The following FNIP2 variants were observed in gnomAD, a reference collection of about 807,000 sequenced individuals.
The protein encoded by FNIP2 is folliculin-interacting protein 2.
A neutral mutation model predicts 108.7 loss-of-function variants in FNIP2; 32 were observed. The observed-to-expected ratio is 0.29, with a 90% confidence interval of 0.22 to 0.40. The LOEUF (loss-of-function observed/expected upper bound fraction) is 0.40, where lower values mean the gene tolerates loss of function less well. Among genes scored for constraint, FNIP2 ranks in the 10% least tolerant of loss-of-function variants. FNIP2 has a pLI of 1.00. For synonymous variants in FNIP2, 480 were observed against 496.7 expected (o/e 0.97, Z 0.45); for missense variants, 1,202 against 1,381.6 (o/e 0.87, Z 2.06).
At chr4:158,801,939 C>G (rs559116612) in intron 1 of FNIP2, among the ~76,000 whole-genome samples, 4 of 152,330 alleles carry the variant, frequency 2.6e-5, no homozygotes, top group African/African-American at 9.6e-5. Flanking sequence ...GATCCTGGAT[C>G]TGTCTCCAAA....
At chr4:158,784,181 A>G (rs982420443) in intron 1 of FNIP2, among the ~76,000 whole-genome samples, 3 of 152,236 alleles carry the variant, frequency 2.0e-5, no homozygotes, top group African/African-American at 7.2e-5. Context: ...ATATTAAGCC[A>G]ATATTTGCCA....
rs566313517 is a variant in FNIP2, at chr4:158,884,507, C to T, written c.2950-6939C>T. ...CAGTGCAGTGCATGTGGGAAGGTTT[C>T]CAGGGCGAGGGATGGACTCACGCCA... On this transcript the variant is annotated intron_variant, in intron 14 of 16. Transcript: ENST00000264433. 2.0e-5 allele frequency among the ~76,000 whole-genome samples: 3 copies of T among 152,228 alleles called. No homozygotes were observed. The East Asian group carries it at 5.8e-4, about 29-fold the overall frequency.
At chr4:158,776,603 A>G (rs1192862368) in intron 1 of FNIP2, among the ~76,000 whole-genome samples, 2 of 152,236 alleles carry the variant, frequency 1.3e-5, no homozygotes, top group African/African-American at 2.4e-5. Context: ...TTACAAAAAT[A>G]CCTTTTAAAT....
intron 11 of FNIP2, 27 bp downstream of exon 11, chr4:158,861,515 T>A (rs1780295641): frequency 6.2e-7 from 1 of 1,613,768 alleles, no homozygotes; most frequent in Non-Finnish European, 8.5e-7. Flanking sequence ...TGGAGACTTG[T>A]ATGCAAATCT....
At chr4:158,831,773 A>G in intron 3 of FNIP2, 88 bp from the exon 4 acceptor site, 1 of 817,648 alleles carries the variant, frequency 1.2e-6, no homozygotes, top group Non-Finnish European at 2.0e-6. Flanking sequence ...ATCACCGATG[A>G]CACTAACGAG....
intron 1 of FNIP2, among the ~76,000 whole-genome samples, chr4:158,773,296 A>G (rs1360459647): frequency 2.0e-5 from 3 of 152,190 alleles, no homozygotes; most frequent in Admixed American, 1.3e-4. Context: ...GAAAGATACT[A>G]TGCACTGGTT....
intron 1 of FNIP2, among the ~76,000 whole-genome samples, chr4:158,813,954 AC>A (rs1417156544): frequency 6.6e-6 from 1 of 151,934 alleles, no homozygotes; most frequent in East Asian, 1.9e-4. Flanking sequence ...CCATTGTATT[AC>A]TGTTGCTCTT....
intron 1 of FNIP2, among the ~76,000 whole-genome samples, chr4:158,824,745 T>C (rs1778061461): frequency 6.6e-6 from 1 of 152,166 alleles, no homozygotes; most frequent in Non-Finnish European, 1.5e-5. Flanking sequence ...TCCTGGCCCC[T>C]GCCTGCCGTC....
At chr4:158,804,206 T>C (rs1776858532) in intron 1 of FNIP2, among the ~76,000 whole-genome samples, 2 of 152,144 alleles carry the variant, frequency 1.3e-5, no homozygotes, top group African/African-American at 4.8e-5. Context: ...CCTCCCAAAA[T>C]GCTGGGATTA....
intron 7 of FNIP2, among the ~76,000 whole-genome samples, chr4:158,841,680 C>T (rs1267540558): frequency 2.6e-5 from 4 of 152,214 alleles, no homozygotes; most frequent in Non-Finnish European, 5.9e-5. Flanking sequence ...GAACACTTCC[C>T]TAACTTCCCC....
chr4:158,863,783 A>ACTGT (rs752657511), intron 12 of FNIP2, among the ~76,000 whole-genome samples: 8 of 151,552 alleles, frequency 5.3e-5, no homozygotes, highest in Non-Finnish European at 1.0e-4. Context: ...TTTAAATGCC[A>ACTGT]CTGTCTACAC....
chr4:158,854,036 C>T, intron 8 of FNIP2, among the ~76,000 whole-genome samples: 1 of 152,066 alleles, frequency 6.6e-6, no homozygotes, highest in East Asian at 1.9e-4. Flanking sequence ...ATTTTTTTGT[C>T]CAGTATAACA....
At chr4:158,814,459 G>A (rs1176898305) in intron 1 of FNIP2, among the ~76,000 whole-genome samples, 3 of 152,226 alleles carry the variant, frequency 2.0e-5, no homozygotes, top group Non-Finnish European at 4.4e-5. Context: ...ATTTGTGCAT[G>A]TGCTGTGCAG....
intron 7 of FNIP2, among the ~76,000 whole-genome samples, chr4:158,836,834 AAAAAG>A (rs1778838683): frequency 2.0e-5 from 3 of 151,216 alleles, no homozygotes; most frequent in African/African-American, 7.3e-5. Flanking sequence ...AAAAAAAAAA[AAAAAG>A]AGACTCATTG....
chr4:158,771,797 T>C (rs887242322), intron 1 of FNIP2, among the ~76,000 whole-genome samples: 22 of 152,230 alleles, frequency 1.4e-4, no homozygotes, highest in African/African-American at 5.1e-4. Flanking sequence ...TCTGTTTCCA[T>C]GATGGACTTT....
chr4:158,855,907 C>T (rs1425224003), intron 8 of FNIP2, among the ~76,000 whole-genome samples: 1 of 152,172 alleles, frequency 6.6e-6, no homozygotes, highest in Non-Finnish European at 1.5e-5. Context: ...TAAAAATGTC[C>T]TTCCTAAGAG....
At chr4:158,879,375 C>G (rs778946528) in intron 14 of FNIP2, among the ~76,000 whole-genome samples, 1 of 150,530 alleles carries the variant, frequency 6.6e-6, no homozygotes, top group Non-Finnish European at 1.5e-5. Context: ...GTGCTGAGAA[C>G]GTGCGCACAA....
intron 1 of FNIP2, among the ~76,000 whole-genome samples, chr4:158,810,169 G>A (rs946007055): frequency 1.3e-5 from 2 of 152,230 alleles, no homozygotes; most frequent in African/African-American, 2.4e-5. Flanking sequence ...AGGTTTGTAG[G>A]AATGGAAAGA....
At chr4:158,769,369 G>T in intron 1 of FNIP2, 50 bp downstream of exon 1, 1 of 1,304,034 alleles carries the variant, frequency 7.7e-7, no homozygotes, top group South Asian at 1.4e-5. Context: ...AGTTGGCTTC[G>T]GTGCTCGCCG....
Sources: gnomAD v4.1 joint callset for allele counts (sites outside exome capture counted in the v4.1 genomes callset) on GRCh38, gnomAD v4.1.1 for gene constraint, MANE v1.5 for transcripts, NCBI Gene and HGNC (gene_info 2026-07-23, HGNC 2026-07-21) for gene names.